The following SLIT3 variants were observed in gnomAD, a reference collection of about 807,000 sequenced individuals.
SLIT3 encodes the protein slit guidance ligand 3, also known as slit homolog 3 protein.
SLIT3 carries 68 observed loss-of-function variants against 184.0 expected under a neutral mutation model. That is an observed-to-expected ratio of 0.37 (90% CI 0.30 to 0.45). SLIT3 has a LOEUF of 0.45. Among genes scored for constraint, SLIT3 ranks in the 20% least tolerant of loss-of-function variants. The pLI is 1.00. For missense variants in SLIT3, 1,707 were observed against 2,026.0 expected, an observed-to-expected ratio of 0.84 and a Z score of 3.02; for synonymous variants, 831 against 828.6, an observed-to-expected ratio of 1.00 and a Z score of -0.05.
At chr5:168,950,106 A>G (rs1203303362) in intron 4 of SLIT3, among the ~76,000 whole-genome samples, 3 of 142,836 alleles carry the variant, frequency 2.1e-5, no homozygotes, top group African/African-American at 2.6e-5. Flanking sequence ...ATGTGATGCT[A>G]TTTAGAGGTG....
chr5:168,692,206 G>A (rs1175628948), intron 29 of SLIT3, among the ~76,000 whole-genome samples: 2 of 152,236 alleles, frequency 1.3e-5, no homozygotes, highest in Non-Finnish European at 2.9e-5. Flanking sequence ...CATGGAGAAG[G>A]TGACCAAATA....
intron 1 of SLIT3, among the ~76,000 whole-genome samples, chr5:169,289,534 A>G (rs956681469): frequency 1.3e-5 from 2 of 152,220 alleles, no homozygotes; most frequent in African/African-American, 4.8e-5. Context: ...GGACATGATA[A>G]AAGATTTCAG....
At chr5:169,155,005 A>C (rs1007046651) in intron 4 of SLIT3, among the ~76,000 whole-genome samples, 1 of 152,354 alleles carries the variant, frequency 6.6e-6, no homozygotes, top group Middle Eastern at 3.4e-3. Context: ...TCATCTAAAA[A>C]TCAGCTCTAA....
chr5:169,015,645 C>G (rs1012412266), intron 4 of SLIT3, among the ~76,000 whole-genome samples: 19 of 152,224 alleles, frequency 1.2e-4, no homozygotes, highest in African/African-American at 4.6e-4. Context: ...GAAAACATTA[C>G]TCTGGCCAGG....
At chr5:168,895,695 T>C (rs541259721) in intron 4 of SLIT3, among the ~76,000 whole-genome samples, 83 of 152,326 alleles carry the variant, frequency 5.4e-4, no homozygotes, top group Admixed American at 2.5e-3. Context: ...TATTGTTCCA[T>C]TCAAAGCAAT....
At chr5:168,902,808 T>C (rs201630290) in intron 4 of SLIT3, among the ~76,000 whole-genome samples, 1 of 152,150 alleles carries the variant, frequency 6.6e-6, no homozygotes, top group East Asian at 1.9e-4. Context: ...GCTGAGCACA[T>C]GACATACATG....
Position 168,723,009 on chromosome 5 carries a change from GA to G in SLIT3, c.2340-6del, listed in dbSNP as rs1237086241. 6.2e-7 allele frequency: 1 copy of G among 1,612,572 alleles called. No individual in the cohort carries two copies. The highest frequency in any genetic ancestry group is 1.3e-5 in the African/African-American group (1 of 74,856). On this transcript the variant is annotated splice_region_variant and splice_polypyrimidine_tract_variant and intron_variant, in intron 21 of 35. Transcript: ENST00000519560. ...ATGCTGTTGTTGCTCAGGTCACTAG[GA>G]AAAGTAAAACAGAGGGGTCATGCTT...
chr5:168,989,952 G>A (rs1465071205), intron 4 of SLIT3, among the ~76,000 whole-genome samples: 1 of 152,206 alleles, frequency 6.6e-6, no homozygotes. Flanking sequence ...TAGTCAAGAG[G>A]TTAAGCTGAG....
rs1755612550 is a variant in SLIT3 at position 168,773,015 on chromosome 5, C to T, written c.1296-71G>A. 5 of 1,462,394 alleles carry T rather than the reference C, an allele frequency of 3.4e-6. No individual in the cohort carries two copies. In the South Asian group the frequency reaches 4.1e-5, roughly 12 times the overall value. 90.6% of individuals were successfully genotyped at this position (1,462,394 alleles called of 1,614,324 possible). On this transcript the variant is annotated intron_variant, in intron 13 of 35. Coordinates refer to ENST00000519560, the MANE Select transcript of SLIT3 (RefSeq NM_003062.4). ...TTGCTCCACCACCACCACCCTGCCT[C>T]GCGCTGGGCCCTGGCAATCCACTGC...
At chr5:168,862,863 C>T (rs996377315) in intron 5 of SLIT3, among the ~76,000 whole-genome samples, 7 of 152,066 alleles carry the variant, frequency 4.6e-5, no homozygotes, top group African/African-American at 7.2e-5. Context: ...TTAGTAGAGA[C>T]GGGATTTCAC....
rs368346027 is a variant in SLIT3, at chr5:168,746,421, TGTG to T, written c.2270+1878_2270+1880del. ...TGTCTGGTGGTGTGTAGTGTGTGAG[TGTG>T]GTGGTGTGTGGTGGTGTGGGTGTGG... On this transcript the variant is annotated intron_variant, in intron 20 of 35. Transcript: ENST00000519560. Among the ~76,000 whole-genome samples the T allele has an allele frequency of 8.5e-4, 57 of 66,672 alleles. 6 individuals are homozygous for T. In the East Asian group the frequency reaches 0.027, roughly 31 times the overall value. 43.7% of individuals were successfully genotyped at this position (66,672 alleles called of 152,430 possible).
At chr5:168,693,380 C>G (rs1454128340) in intron 28 of SLIT3, among the ~76,000 whole-genome samples, 4 of 152,202 alleles carry the variant, frequency 2.6e-5, no homozygotes, top group African/African-American at 4.8e-5. Flanking sequence ...GTTCTGGTCT[C>G]TAGACACATT....
chr5:169,085,266 TA>T (rs1759245287), intron 4 of SLIT3, among the ~76,000 whole-genome samples: 1 of 152,188 alleles, frequency 6.6e-6, no homozygotes, highest in African/African-American at 2.4e-5. Context: ...TGCTGAGTTA[TA>T]AAGAATGAGA....
intron 20 of SLIT3, among the ~76,000 whole-genome samples, chr5:168,738,287 C>A (rs577088016): frequency 6.6e-6 from 1 of 152,326 alleles, no homozygotes; most frequent in East Asian, 1.9e-4. Flanking sequence ...ACATCGCTAC[C>A]AAATGAAACT....
intron 27 of SLIT3, among the ~76,000 whole-genome samples, chr5:168,698,165 T>C (rs1364608343): frequency 6.6e-6 from 1 of 152,316 alleles, no homozygotes; most frequent in Middle Eastern, 3.4e-3. Flanking sequence ...GAGAAGCATG[T>C]GTATGAAGAG....
At chr5:168,974,157 C>T (rs923028006) in intron 4 of SLIT3, among the ~76,000 whole-genome samples, 4 of 152,136 alleles carry the variant, frequency 2.6e-5, no homozygotes, top group South Asian at 2.1e-4. Flanking sequence ...AGAGGTGCAG[C>T]GTCTTGTTCA....
At position 168,762,631 on chromosome 5, in the gene SLIT3, G is replaced by C. The variant is rs776500729; in HGVS notation, c.1518C>G (p.Pro506=). The change falls in exon 15 of 36, where the codon CCC becomes CCG. Residue 506 remains proline, a synonymous_variant. Coordinates refer to ENST00000519560, the MANE Select transcript of SLIT3 (RefSeq NM_003062.4). ...TCGTGCCCTCACAGCGACACTTCTC[G>C]GGGCACACGAGGTCCATGAAGCACT... ...SSECFMDLVC[P]EKCRCEGTIV... is the part of the protein sequence containing the mutation. 2.0e-5 allele frequency: 33 copies of C among 1,614,012 alleles called. No homozygotes were observed. The highest frequency in any genetic ancestry group is 8.3e-5 in the Admixed American group (5 of 60,000).
At chr5:169,061,560 G>C (rs761584246) in intron 4 of SLIT3, among the ~76,000 whole-genome samples, 2 of 152,322 alleles carry the variant, frequency 1.3e-5, no homozygotes, top group African/African-American at 4.8e-5. Flanking sequence ...ACACATCTGC[G>C]TGGCACCTAA....
At chr5:168,964,966 C>A (rs1763134598) in intron 4 of SLIT3, among the ~76,000 whole-genome samples, 1 of 152,144 alleles carries the variant, frequency 6.6e-6, no homozygotes, top group African/African-American at 2.4e-5. Context: ...GGACCAGAAC[C>A]AAGACTAGGG....
Sources: gnomAD v4.1 joint callset for allele counts (sites outside exome capture counted in the v4.1 genomes callset) on GRCh38, gnomAD v4.1.1 for gene constraint, MANE v1.5 for transcripts, NCBI Gene and HGNC (gene_info 2026-07-23, HGNC 2026-07-21) for gene names.